ARFGEF3: variants seen among roughly 807,000 people sequenced by gnomAD.
ARFGEF3 encodes brefeldin A-inhibited guanine nucleotide-exchange protein 3.
A neutral mutation model predicts 221.7 loss-of-function variants in ARFGEF3; 96 were observed. That is an observed-to-expected ratio of 0.43 (90% CI 0.37 to 0.51). The LOEUF (loss-of-function observed/expected upper bound fraction) is 0.51, where lower values mean the gene tolerates loss of function less well. Ranked by LOEUF, ARFGEF3 falls within the 20% of genes least tolerant of loss-of-function variation. ARFGEF3 has a pLI of 0.00. For missense variants in ARFGEF3, 2,410 were observed against 2,789.9 expected (o/e 0.86, Z 3.07); for synonymous variants, 1,145 against 1,126.8 (o/e 1.02, Z -0.32).
chr6:138,205,012 G>A (rs950882258), intron 2 of ARFGEF3, among the ~76,000 whole-genome samples: 1 of 152,168 alleles, frequency 6.6e-6, no homozygotes, highest in African/African-American at 2.4e-5. Context: ...AGTATCACTC[G>A]TGTGAATGTA....
chr6:138,213,690 G>T (rs1777779510), intron 4 of ARFGEF3, among the ~76,000 whole-genome samples: 2 of 152,034 alleles, frequency 1.3e-5, no homozygotes, highest in South Asian at 4.2e-4. Flanking sequence ...GTGCTTAGAA[G>T]GGAGGGGTGA....
At chr6:138,176,806 T>C (rs1039646852) in intron 2 of ARFGEF3, among the ~76,000 whole-genome samples, 2 of 152,188 alleles carry the variant, frequency 1.3e-5, no homozygotes, top group Admixed American at 1.3e-4. Context: ...CTAGGGATGA[T>C]AAATTCTCTT....
At chr6:138,314,228 G>A (rs980811484) in intron 26 of ARFGEF3, among the ~76,000 whole-genome samples, 6 of 152,100 alleles carry the variant, frequency 3.9e-5, no homozygotes, top group African/African-American at 1.2e-4. Context: ...GAGAGGCAGG[G>A]GGACCAAAGT....
chr6:138,274,175 T>C (rs1439162413), intron 12 of ARFGEF3, among the ~76,000 whole-genome samples: 1 of 152,244 alleles, frequency 6.6e-6, no homozygotes, highest in Non-Finnish European at 1.5e-5. Context: ...TAGTAGTTGG[T>C]TTCAACATTT....
In ARFGEF3 at chr6:138,336,553, T is replaced by G; in HGVS notation, c.*67T>G. Reference sequence around the variant, plus strand: ...GGTTAGAGTCCTGCCAATACAGCTGTTGCATTTTCCCCACCACTAGCCCCA... The same window carrying G: ...GGTTAGAGTCCTGCCAATACAGCTGGTGCATTTTCCCCACCACTAGCCCCA... On this transcript the variant is annotated 3_prime_UTR_variant, in exon 34 of 34. Transcript: ENST00000251691. 6 of 1,309,776 alleles carry G rather than the reference T, an allele frequency of 4.6e-6. No individual in the cohort carries two copies. The highest frequency in any genetic ancestry group is 6.3e-6 in the Non-Finnish European group (6 of 950,888). 81.1% of individuals were successfully genotyped at this position (1,309,776 alleles called of 1,614,324 possible).
At position 138,337,202 on chromosome 6, in the gene ARFGEF3, C is replaced by G. The variant is rs1780342851; in HGVS notation, c.*716C>G. ...GGTTTGAAGTCTGTGGCTTATCAGC[C>G]TGTGACACAGAGTACCCAGTGAAAG... On this transcript the variant is annotated 3_prime_UTR_variant, in exon 34 of 34. Transcript: ENST00000251691. 1 of 152,576 alleles carries G rather than the reference C, an allele frequency of 6.6e-6. No individual in the cohort carries two copies. Among genetic ancestry groups the G allele is most frequent in the Non-Finnish European group, 1.5e-5 (1 of 68,038 alleles). 9.5% of individuals were successfully genotyped at this position (152,576 alleles called of 1,614,324 possible).
chr6:138,226,531 G>A (rs889342308), intron 4 of ARFGEF3, among the ~76,000 whole-genome samples: 5 of 152,118 alleles, frequency 3.3e-5, no homozygotes, highest in African/African-American at 4.8e-5. Context: ...TCTGCAAGCT[G>A]GTGTAGATTG....
chr6:138,220,332 G>A (rs1484976491), intron 4 of ARFGEF3, among the ~76,000 whole-genome samples: 1 of 152,100 alleles, frequency 6.6e-6, no homozygotes, highest in Non-Finnish European at 1.5e-5. Flanking sequence ...TAAATCATAA[G>A]CATTTTCCAC....
chr6:138,298,833 C>CA, intron 22 of ARFGEF3, 48 bp downstream of exon 22: 1 of 1,411,476 alleles, frequency 7.1e-7, no homozygotes, highest in Non-Finnish European at 9.9e-7. Flanking sequence ...TTACTGAGTG[C>CA]AGTGGCAGGC....
At chr6:138,273,819 CATT>C (rs2114609122) in intron 12 of ARFGEF3, among the ~76,000 whole-genome samples, 1 of 152,252 alleles carries the variant, frequency 6.6e-6, no homozygotes, top group South Asian at 2.1e-4. Context: ...ATCATGTTTC[CATT>C]ATTATCAATA....
intron 2 of ARFGEF3, among the ~76,000 whole-genome samples, chr6:138,199,314 A>G (rs1777490606): frequency 6.6e-6 from 1 of 152,238 alleles, no homozygotes; most frequent in Non-Finnish European, 1.5e-5. Flanking sequence ...GAAGAAATTC[A>G]GACAGTTATT....
Position 138,162,140 on chromosome 6 carries a change from A to C in ARFGEF3, c.54A>C (p.Lys18Asn). The change falls in exon 1 of 34, where the codon AAA becomes AAC. Residue 18 changes from lysine (K) to asparagine (N), a missense_variant. Coordinates refer to ENST00000251691, the MANE Select transcript of ARFGEF3 (RefSeq NM_020340.5). The surrounding 1 kb of genome is among the most constrained non-coding windows in gnomAD (Gnocchi z 4.7). The stretch of plus-strand genomic sequence containing the variant: ...AGGAGGCGTCCGGGAGCAAGTACAA[A>C]GCCATCAAGGAGAGCTGCACCTGGG... The part of the protein sequence containing the change: ...LQKEASGSKY[K>N]AIKESCTWAL... The C allele has an allele frequency of 1.2e-6, 2 of 1,605,444 alleles. No individual in the cohort carries two copies. The highest frequency in any genetic ancestry group is 1.7e-6 in the Non-Finnish European group (2 of 1,175,670).
chr6:138,281,513 C>T (rs955771478), intron 14 of ARFGEF3, among the ~76,000 whole-genome samples: 1 of 152,158 alleles, frequency 6.6e-6, no homozygotes, highest in Admixed American at 6.5e-5. Context: ...ACCGTCTGGA[C>T]GTCCATGAGT....
intron 3 of ARFGEF3, 148 bp downstream of exon 3, chr6:138,207,271 C>T (rs113481387): frequency 1.4e-5 from 9 of 642,554 alleles, no homozygotes; most frequent in African/African-American, 1.1e-4. Flanking sequence ...TAGAGAATAA[C>T]AGGATTTTCT....
chr6:138,255,711 G>A lies in ARFGEF3; in HGVS notation c.1046G>A (p.Arg349Gln), dbSNP rs761083705. ...CCCGTGCTCCAGTCCCTCTACCACC[G>A]AGTGCTGCTCTACCCCCCACCCCAG... ...MKPVLQSLYHRVLLYPPPQHR... is the reference protein window; with the variant it reads ...MKPVLQSLYHQVLLYPPPQHR... The change falls in exon 10 of 34, where the codon CGA becomes CAA. Residue 349 changes from arginine (R) to glutamine (Q), a missense_variant. Coordinates refer to ENST00000251691, the MANE Select transcript of ARFGEF3 (RefSeq NM_020340.5). 12 of 1,610,332 alleles carry A rather than the reference G, an allele frequency of 7.5e-6. No individual in the cohort carries two copies. Among genetic ancestry groups the A allele is most frequent in the Non-Finnish European group, 9.3e-6 (11 of 1,177,740 alleles).
chr6:138,296,699 C>T (rs759013885), intron 20 of ARFGEF3, 111 bp from the exon 21 acceptor site: 25 of 1,297,838 alleles, frequency 1.9e-5, no homozygotes, highest in Non-Finnish European at 2.5e-5. Flanking sequence ...TAGCCAATAT[C>T]GAATTACCCT....
chr6:138,211,882 A>G (rs1446556984), intron 4 of ARFGEF3, among the ~76,000 whole-genome samples: 1 of 152,202 alleles, frequency 6.6e-6, no homozygotes. Context: ...TAACTCCACC[A>G]GAAATCGTGG....
chr6:138,270,791 G>A (rs917793385), intron 12 of ARFGEF3, among the ~76,000 whole-genome samples: 1 of 152,172 alleles, frequency 6.6e-6, no homozygotes, highest in African/African-American at 2.4e-5. Context: ...TTGATTGAGT[G>A]TTACTGTAGG....
chr6:138,317,668 G>A (rs956463803), intron 27 of ARFGEF3, among the ~76,000 whole-genome samples: 6 of 152,130 alleles, frequency 3.9e-5, no homozygotes, highest in Admixed American at 2.0e-4. Context: ...TGGTATCAGC[G>A]TCTCCAAGAA....
Sources: allele counts gnomAD v4.1 joint callset (sites outside exome capture counted in the v4.1 genomes callset), GRCh38; gene constraint gnomAD v4.1.1; non-coding constraint Gnocchi (gnomAD v3.1); transcripts MANE v1.5; gene names NCBI Gene and HGNC (gene_info 2026-07-23, HGNC 2026-07-21).